Variants in FHOD3 observed in about 807,000 individuals in gnomAD.
FHOD3 encodes FH1/FH2 domain-containing protein 3.
FHOD3 carries 90 observed loss-of-function variants against 173.0 expected under a neutral mutation model. The ratio of observed to expected loss-of-function variants is 0.52; its 90% confidence interval spans 0.44 to 0.62. The LOEUF is 0.62. FHOD3 is among the 20% of genes least tolerant of loss of function. The pLI is 0.00. For missense variants in FHOD3, 1,945 were observed against 2,034.7 expected, an observed-to-expected ratio of 0.96 and a Z score of 0.85; for synonymous variants, 828 against 823.0, an observed-to-expected ratio of 1.01 and a Z score of -0.10.
At chr18:36,559,582 C>A (rs2058018887) in intron 5 of FHOD3, among the ~76,000 whole-genome samples, 1 of 152,164 alleles carries the variant, frequency 6.6e-6, no homozygotes, top group Non-Finnish European at 1.5e-5. Context: ...GACACACAAG[C>A]CATTTAAACA....
At chr18:36,384,800 C>T (rs768893593) in intron 3 of FHOD3, among the ~76,000 whole-genome samples, 8 of 152,060 alleles carry the variant, frequency 5.3e-5, no homozygotes, top group Non-Finnish European at 1.0e-4. Context: ...ACAGTGAGAA[C>T]GGGGGACCTA....
chr18:36,402,587 C>CACACAGCT (rs1491318635), intron 3 of FHOD3, among the ~76,000 whole-genome samples: 1 of 151,646 alleles, frequency 6.6e-6, no homozygotes, highest in Non-Finnish European at 1.5e-5. Flanking sequence ...TGTCCAAGGT[C>CACACAGCT]ACACAGCTAG....
At chr18:36,631,505 T>C (rs1187836538) in intron 10 of FHOD3, among the ~76,000 whole-genome samples, 1 of 152,250 alleles carries the variant, frequency 6.6e-6, no homozygotes, top group Non-Finnish European at 1.5e-5. Flanking sequence ...AAGATGAATA[T>C]AACAGTAACA....
chr18:36,727,473 G>T (rs546119947), intron 19 of FHOD3, among the ~76,000 whole-genome samples: 2 of 152,286 alleles, frequency 1.3e-5, no homozygotes, highest in South Asian at 2.1e-4. Flanking sequence ...AGCACTTAAA[G>T]CACCTTTTTG....
chr18:36,661,603 A>C (rs1196048746), intron 14 of FHOD3, among the ~76,000 whole-genome samples: 1 of 152,160 alleles, frequency 6.6e-6, no homozygotes, highest in Non-Finnish European at 1.5e-5. Context: ...AATCAGGCCA[A>C]CTAAAACACC....
intron 13 of FHOD3, among the ~76,000 whole-genome samples, chr18:36,654,439 G>C (rs2036275539): frequency 1.3e-5 from 2 of 152,114 alleles, no homozygotes; most frequent in Non-Finnish European, 2.9e-5. Context: ...GATATAATTT[G>C]TCTATTGTAT....
chr18:36,663,300 T>C (rs1418062732), intron 14 of FHOD3, among the ~76,000 whole-genome samples: 1 of 152,252 alleles, frequency 6.6e-6, no homozygotes, highest in Non-Finnish European at 1.5e-5. Flanking sequence ...GTGTGTCAGA[T>C]ACTAACAGGA....
At position 36,653,357 on chromosome 18, in the gene FHOD3, C is replaced by A; in HGVS notation, c.1662C>A (p.Phe554Leu). The stretch of plus-strand genomic sequence containing the variant: ...CCTTTGACAGTTCCTCTGATTCTTT[C>A]TCTTTGAGCACATATTCTGCCTCTG... The part of the protein sequence containing the change: ...SQKENSSSDS[F>L]SLSTYSASEP... The change falls in exon 13 of 29, where the codon TTC becomes TTA. Residue 554 changes from phenylalanine to leucine, a missense_variant. By Grantham distance (22) the Phe-to-Leu change is conservative. This residue lies in a region of FHOD3 where 1,099 missense variants were observed against 1,051.2 expected (regional missense o/e 1.05). Coordinates refer to ENST00000590592, the MANE Select transcript of FHOD3 (RefSeq NM_001281740.3). 6.5e-7 allele frequency: 1 copy of A among 1,534,924 alleles called. No individual in the cohort carries two copies. Among genetic ancestry groups the A allele is most frequent in the Non-Finnish European group, 8.7e-7 (1 of 1,146,478 alleles).
intron 3 of FHOD3, among the ~76,000 whole-genome samples, chr18:36,489,319 G>A (rs1349878917): frequency 6.6e-6 from 1 of 152,142 alleles, no homozygotes; most frequent in Non-Finnish European, 1.5e-5. Context: ...CTGCAGGGCA[G>A]TGACAGCCAT....
chr18:36,355,438 C>A, intron 1 of FHOD3, 101 bp from the exon 2 acceptor site: 1 of 904,622 alleles, frequency 1.1e-6, no homozygotes, highest in Non-Finnish European at 1.8e-6. Flanking sequence ...CAGAACATTG[C>A]TTGATTTTAC....
At chr18:36,650,204 T>A (rs2035957084) in intron 11 of FHOD3, among the ~76,000 whole-genome samples, 1 of 151,836 alleles carries the variant, frequency 6.6e-6, no homozygotes, top group Non-Finnish European at 1.5e-5. Context: ...ATGGACATTT[T>A]TACTTTTTTT....
intron 1 of FHOD3, among the ~76,000 whole-genome samples, chr18:36,301,561 G>A (rs2091957317): frequency 6.6e-6 from 1 of 152,132 alleles, no homozygotes; most frequent in Admixed American, 6.6e-5. Context: ...TATGTTCTAG[G>A]TTGGGCTAAG....
intron 3 of FHOD3, among the ~76,000 whole-genome samples, chr18:36,480,402 G>A (rs577921025): frequency 1.4e-4 from 21 of 152,220 alleles, no homozygotes; most frequent in Non-Finnish European, 2.1e-4. Flanking sequence ...TCGCTAGCGG[G>A]AAATTGGGGT....
chr18:36,542,531 T>C (rs2057265422), intron 5 of FHOD3, among the ~76,000 whole-genome samples: 1 of 152,228 alleles, frequency 6.6e-6, no homozygotes, highest in African/African-American at 2.4e-5. Context: ...TTTAAATAGC[T>C]TTTGCTTGCT....
intron 17 of FHOD3, among the ~76,000 whole-genome samples, chr18:36,702,701 T>A (rs946649189): frequency 7.2e-5 from 11 of 152,176 alleles, no homozygotes; most frequent in Middle Eastern, 3.2e-3. Context: ...ACCACCAATT[T>A]ATCACTTCAA....
intron 27 of FHOD3, among the ~76,000 whole-genome samples, chr18:36,764,857 T>A (rs1043568634): frequency 6.6e-6 from 1 of 152,096 alleles, no homozygotes; most frequent in Non-Finnish European, 1.5e-5. Context: ...AAGCCTTCTT[T>A]GAAAAAACAT....
chr18:36,506,148 G>A (rs1293845798), intron 4 of FHOD3, among the ~76,000 whole-genome samples: 2 of 152,160 alleles, frequency 1.3e-5, no homozygotes, highest in Non-Finnish European at 2.9e-5. Context: ...ATTATGCCAT[G>A]TACTTTCCCT....
intron 5 of FHOD3, among the ~76,000 whole-genome samples, chr18:36,561,207 A>G (rs1379387607): frequency 6.6e-6 from 1 of 152,216 alleles, no homozygotes; most frequent in Non-Finnish European, 1.5e-5. Flanking sequence ...CTAGTCATTG[A>G]TTGACAGCCA....
intron 3 of FHOD3, among the ~76,000 whole-genome samples, chr18:36,441,138 G>A (rs538741294): frequency 8.6e-5 from 13 of 151,954 alleles, no homozygotes; most frequent in Non-Finnish European, 1.5e-4. Flanking sequence ...AACATTCTTC[G>A]CAGCTAGAAT....
Sources: gnomAD v4.1 joint callset for allele counts (sites outside exome capture counted in the v4.1 genomes callset) on GRCh38, gnomAD v4.1.1 for gene constraint, gnomAD v4.1.1 regional missense constraint, MANE v1.5 for transcripts, NCBI Gene and HGNC (gene_info 2026-07-23, HGNC 2026-07-21) for gene names.